The following CHRNA3 variants were observed in gnomAD, a reference collection of about 807,000 sequenced individuals.
CHRNA3 encodes cholinergic receptor nicotinic alpha 3 subunit.
In CHRNA3, 34 loss-of-function variants were observed where a neutral mutation model predicts 41.9. That is an observed-to-expected ratio of 0.81 (90% CI 0.62 to 1.08). The LOEUF is 1.08. Ranked by LOEUF, CHRNA3 falls within the 50% of genes least tolerant of loss-of-function variation. CHRNA3 has a pLI of 0.00. For synonymous variants in CHRNA3, 281 were observed against 265.2 expected, an observed-to-expected ratio of 1.06 and a Z score of -0.58; for missense variants, 542 against 638.3, an observed-to-expected ratio of 0.85 and a Z score of 1.63.
At chr15:78,610,772 T>G (rs965777677) in intron 4 of CHRNA3, among the ~76,000 whole-genome samples, 22 of 151,982 alleles carry the variant, frequency 1.4e-4, no homozygotes, top group Admixed American at 3.3e-4. Flanking sequence ...CTTCAAAAAA[T>G]TAATGAATCC....
downstream of CHRNA3, chr15:78,595,003 T>C (rs1454371734): frequency 6.6e-6 from 1 of 152,272 alleles, no homozygotes. Context: ...TTTAGAACTC[T>C]TAGCTGTTGA....
intron 2 of CHRNA3, 40 bp downstream of exon 2, chr15:78,618,736 C>T (rs1567094379): frequency 6.2e-7 from 1 of 1,614,156 alleles, no homozygotes; most frequent in East Asian, 2.2e-5. Flanking sequence ...TCCAGAAGCC[C>T]CGGTCCCCAT....
chr15:78,606,126 A>ACC (rs199704574), intron 4 of CHRNA3, among the ~76,000 whole-genome samples: 2,389 of 151,870 alleles, frequency 0.016, 50 homozygotes, highest in African/African-American at 0.054. Flanking sequence ...TTCGAGACCA[A>ACC]CCTGGCCAAC....
intron 5 of CHRNA3, among the ~76,000 whole-genome samples, chr15:78,599,207 G>T (rs2053159017): frequency 6.6e-6 from 1 of 151,882 alleles, no homozygotes; most frequent in Non-Finnish European, 1.5e-5. Context: ...TGAACTCCTG[G>T]GCTCAAGTGA....
At position 78,618,731 on chromosome 15, in the gene CHRNA3, A is replaced by G. The variant is rs765739570; in HGVS notation, c.222+45T>C. 3.1e-6 allele frequency: 5 copies of G among 1,614,170 alleles called. No individual in the cohort carries two copies. The South Asian group carries it at 4.4e-5, about 14-fold the overall frequency. On this transcript the variant is annotated intron_variant, in intron 2 of 5. Coordinates refer to ENST00000326828, the MANE Select transcript of CHRNA3 (RefSeq NM_000743.5). Reference sequence around the variant, plus strand: ...CTAATTCTGGGAAAGGCTCCTCCAGAAGCCCCGGTCCCCATGGCCACGGCT... The same window carrying G: ...CTAATTCTGGGAAAGGCTCCTCCAGGAGCCCCGGTCCCCATGGCCACGGCT...
At chr15:78,593,695 TTA>T (rs1262597778), downstream of CHRNA3, 2 of 152,446 alleles carry the variant, frequency 1.3e-5, no homozygotes, top group Admixed American at 6.6e-5. Flanking sequence ...ACTGCTATAT[TTA>T]AAAAGCTGAC....
intron 3 of CHRNA3, among the ~76,000 whole-genome samples, chr15:78,618,017 TG>T (rs1206177674): frequency 6.6e-6 from 1 of 152,028 alleles, no homozygotes; most frequent in Non-Finnish European, 1.5e-5. Flanking sequence ...GAGGCTGAGG[TG>T]TGTGGTTTGC....
intron 4 of CHRNA3, among the ~76,000 whole-genome samples, chr15:78,606,492 G>A (rs1201454924): frequency 6.6e-6 from 1 of 151,946 alleles, no homozygotes; most frequent in African/African-American, 2.4e-5. Flanking sequence ...AATTGTGAAA[G>A]AACAGAAATC....
chr15:78,606,756 G>T (rs185055843), intron 4 of CHRNA3, among the ~76,000 whole-genome samples: 1 of 151,544 alleles, frequency 6.6e-6, no homozygotes, highest in South Asian at 2.1e-4. Context: ...AAAATTAGCC[G>T]GATGTGGTGG....
rs562480968 is a variant in CHRNA3, at chr15:78,598,444, G to T, written c.1390-1712C>A. ...GGGTCTTGCTTTGTTGCTCAAGCTG[G>T]AGTGCAGGGGTGCAATCATGGCTTG... On this transcript the variant is annotated intron_variant, in intron 5 of 5. Transcript: ENST00000326828. Among the ~76,000 whole-genome samples, 12 of 151,890 alleles carry T rather than the reference G, an allele frequency of 7.9e-5. No homozygotes were observed. The South Asian group carries it at 2.3e-3, about 29-fold the overall frequency.
intron 4 of CHRNA3, among the ~76,000 whole-genome samples, chr15:78,610,548 C>T (rs2053365721): frequency 6.6e-6 from 1 of 151,860 alleles, no homozygotes; most frequent in Non-Finnish European, 1.5e-5. Flanking sequence ...ACACAACATA[C>T]CAGAATCTCT....
At chr15:78,606,407 G>A (rs2053288992) in intron 4 of CHRNA3, among the ~76,000 whole-genome samples, 1 of 148,320 alleles carries the variant, frequency 6.7e-6, no homozygotes, top group Non-Finnish European at 1.5e-5. Context: ...TACAAAAATA[G>A]AGCCACCAAG....
intron 4 of CHRNA3, among the ~76,000 whole-genome samples, chr15:78,606,003 C>A (rs774154739): frequency 6.6e-6 from 1 of 151,932 alleles, no homozygotes; most frequent in African/African-American, 2.4e-5. Flanking sequence ...ACAAGAGCAA[C>A]GAAGCTTTAT....
intron 5 of CHRNA3, among the ~76,000 whole-genome samples, chr15:78,598,453 G>T (rs1254195983): frequency 6.6e-6 from 1 of 151,710 alleles, no homozygotes; most frequent in Non-Finnish European, 1.5e-5. Flanking sequence ...GGAGTGCAGG[G>T]GTGCAATCAT....
chr15:78,607,666 G>C (rs1031046313), intron 4 of CHRNA3: 5 of 152,790 alleles, frequency 3.3e-5, no homozygotes, highest in African/African-American at 1.2e-4. Flanking sequence ...GGTGATTTCT[G>C]CATTTCCATC....
At chr15:78,612,145 G>T (rs1455355621) in intron 4 of CHRNA3, among the ~76,000 whole-genome samples, 4 of 152,074 alleles carry the variant, frequency 2.6e-5, no homozygotes, top group Middle Eastern at 3.4e-3. Flanking sequence ...TACTGCCCAA[G>T]GTAATTTATA....
Position 78,620,728 on chromosome 15 carries a change from G to GCAGCAA in CHRNA3, c.66_67insTTGCTG (p.Leu22_Leu23dup), listed in dbSNP as rs771038104. 26 of 178,106 alleles carry GCAGCAA rather than the reference G, an allele frequency of 1.5e-4. No homozygotes were observed. Among genetic ancestry groups the GCAGCAA allele is most frequent in the Non-Finnish European group, 1.7e-4 (26 of 152,050 alleles). 11.0% of individuals were successfully genotyped at this position (178,106 alleles called of 1,614,324 possible). A position where few individuals can be genotyped will look rare whatever the true frequency, so the allele number is the denominator to read the frequency against. On this transcript the variant is annotated inframe_insertion, in exon 1 of 6. Transcript: ENST00000326828. ...GTGCGCGTACCTGGCAGCAGAGACA[G>GCAGCAA]CAGCAGCAGCAGCAGCAGCCGCGGC...
chr15:78,605,682 C>T (rs913610749), intron 4 of CHRNA3, among the ~76,000 whole-genome samples: 10 of 152,124 alleles, frequency 6.6e-5, no homozygotes, highest in African/African-American at 2.4e-4. Context: ...AGAAATGCCT[C>T]CCAAAACCTC....
At chr15:78,600,784 G>A (rs908975212) in intron 5 of CHRNA3, among the ~76,000 whole-genome samples, 1 of 151,022 alleles carries the variant, frequency 6.6e-6, no homozygotes, top group Admixed American at 6.6e-5. Flanking sequence ...TGGGAGAATC[G>A]CTTGAGCTGG....
Sources: gnomAD v4.1 joint callset for allele counts (sites outside exome capture counted in the v4.1 genomes callset) on GRCh38, gnomAD v4.1.1 for gene constraint, MANE v1.5 for transcripts, NCBI Gene and HGNC (gene_info 2026-07-23, HGNC 2026-07-21) for gene names.